SLCO4C1: variants seen among roughly 807,000 people sequenced by gnomAD.
SLCO4C1 encodes organic anion transporter M1.
Under a neutral mutation model 72.1 loss-of-function variants are expected in SLCO4C1, and 58 were observed. That is an observed-to-expected ratio of 0.80 (90% CI 0.65 to 1.00). The LOEUF (loss-of-function observed/expected upper bound fraction) is 1.00, where lower values mean the gene tolerates loss of function less well. Among genes scored for constraint, SLCO4C1 ranks in the 50% least tolerant of loss-of-function variants. The pLI is 0.00. For missense variants in SLCO4C1, 898 were observed against 857.9 expected (o/e 1.05, Z -0.58); for synonymous variants, 297 against 312.5 (o/e 0.95, Z 0.52).
chr5:102,273,632 ATATTTAAACCTATAT>A (rs1338159606), intron 2 of SLCO4C1, among the ~76,000 whole-genome samples: 10 of 152,174 alleles, frequency 6.6e-5, no homozygotes, highest in African/African-American at 2.2e-4. Context: ...ACAAAGAAAA[ATATTTAAACCTATAT>A]TATTTAAACC....
At position 102,295,185 on chromosome 5, in the gene SLCO4C1, C is replaced by T. The variant is rs115947440; in HGVS notation, c.355+723G>A. On this transcript the variant is annotated intron_variant, in intron 1 of 12. Coordinates refer to ENST00000310954, the MANE Select transcript of SLCO4C1 (RefSeq NM_180991.5). ...CCCTCCAGGATATCACTCCTCCAAA[C>T]TGAGCTTAGATTGCAAGCCCCTGAG... Among the ~76,000 whole-genome samples, 600 of 152,318 alleles carry T rather than the reference C, an allele frequency of 3.9e-3. 4 individuals are homozygous for T. The highest frequency in any genetic ancestry group is 0.014 in the African/African-American group (568 of 41,566).
chr5:102,295,075 C>G (rs547190079), intron 1 of SLCO4C1, among the ~76,000 whole-genome samples: 6 of 152,204 alleles, frequency 3.9e-5, no homozygotes, highest in Non-Finnish European at 7.3e-5. Context: ...CTCAGGTTAA[C>G]TTCCTATTTT....
At chr5:102,277,813 T>C (rs1001140183) in intron 2 of SLCO4C1, among the ~76,000 whole-genome samples, 7 of 146,814 alleles carry the variant, frequency 4.8e-5, no homozygotes, top group Admixed American at 4.2e-4. Context: ...CTTACATACA[T>C]GTAATGCAGT....
intron 10 of SLCO4C1, among the ~76,000 whole-genome samples, chr5:102,246,765 G>A (rs1748642848): frequency 6.6e-6 from 1 of 152,142 alleles, no homozygotes; most frequent in Non-Finnish European, 1.5e-5. Context: ...TATGGAATGT[G>A]TTTGTGCAGT....
At chr5:102,249,096 C>T (rs1212923932) in intron 9 of SLCO4C1, among the ~76,000 whole-genome samples, 1 of 152,142 alleles carries the variant, frequency 6.6e-6, no homozygotes, top group Admixed American at 6.6e-5. Context: ...GGAAAACTCT[C>T]TTGCCTTCAA....
chr5:102,272,831 T>C (rs1422824361), intron 2 of SLCO4C1, among the ~76,000 whole-genome samples: 1 of 151,998 alleles, frequency 6.6e-6, no homozygotes, highest in African/African-American at 2.4e-5. Flanking sequence ...GGCACACCCC[T>C]GTAGTCCCAG....
chr5:102,277,904 C>A (rs62372161), intron 2 of SLCO4C1, among the ~76,000 whole-genome samples: 41,429 of 151,844 alleles, frequency 0.27, 5,981 homozygotes, highest in Middle Eastern at 0.31. Flanking sequence ...AATTCTAAAA[C>A]TGTTCAAGCA....
rs1749649597 is a variant in SLCO4C1, at chr5:102,296,152, A to G, written c.111T>C (p.Ser37=). 6.2e-7 allele frequency: 1 copy of G among 1,614,010 alleles called. No individual in the cohort carries two copies. Among genetic ancestry groups the G allele is most frequent in the Non-Finnish European group, 8.5e-7 (1 of 1,179,926 alleles). ...PSQIEVSALS[S]DPQRENSQPQ... ...GCTGAGAATTCTCTCTTTGGGGGTC[A>G]GAGGACAAGGCAGAGACTTCGATTT... The change falls in exon 1 of 13, where the codon TCT becomes TCC. Residue 37 remains serine, a synonymous_variant. Coordinates refer to ENST00000310954, the MANE Select transcript of SLCO4C1 (RefSeq NM_180991.5).
Position 102,296,270 on chromosome 5 carries a change from T to C in SLCO4C1, c.-8A>G, listed in dbSNP as rs868759834. The C allele has an allele frequency of 1.3e-6, 2 of 1,518,780 alleles. No individual in the cohort carries two copies. Among genetic ancestry groups the C allele is most frequent in the Non-Finnish European group, 8.8e-7 (1 of 1,133,796 alleles). 94.1% of individuals were successfully genotyped at this position (1,518,780 alleles called of 1,614,324 possible). On this transcript the variant is annotated 5_prime_UTR_variant, in exon 1 of 13. Coordinates refer to ENST00000310954, the MANE Select transcript of SLCO4C1 (RefSeq NM_180991.5). ...ACCTTTGGCGCTCTTCATGTCTGGA[T>C]GGGTTCTCCCGACTCCGGTGCTTCA...
chr5:102,269,925 C>T lies in SLCO4C1; in HGVS notation c.802+699G>A, dbSNP rs193139248. Among the ~76,000 whole-genome samples the T allele has an allele frequency of 4.5e-3, 688 of 151,578 alleles. 12 individuals carry two copies. Among genetic ancestry groups the T allele is most frequent in the African/African-American group, 0.016 (654 of 41,280 alleles). On this transcript the variant is annotated intron_variant, in intron 3 of 12. Coordinates refer to ENST00000310954, the MANE Select transcript of SLCO4C1 (RefSeq NM_180991.5). Reference sequence around the variant, plus strand: ...CCCTTTGGGTTTGATTCTGGGTGGGCGCAGCAGTGTATTCTCCATTTGAAT... The same window carrying T: ...CCCTTTGGGTTTGATTCTGGGTGGGTGCAGCAGTGTATTCTCCATTTGAAT...
chr5:102,260,870 A>G (rs1373268609), intron 5 of SLCO4C1, among the ~76,000 whole-genome samples: 1 of 152,180 alleles, frequency 6.6e-6, no homozygotes, highest in African/African-American at 2.4e-5. Context: ...ATGGAACTAT[A>G]AATGAATGGC....
intron 11 of SLCO4C1, among the ~76,000 whole-genome samples, chr5:102,239,922 C>A (rs1748508384): frequency 6.6e-6 from 1 of 151,928 alleles, no homozygotes; most frequent in Non-Finnish European, 1.5e-5. Flanking sequence ...TTCCAAGAGG[C>A]CATGAGGTAC....
Position 102,266,672 on chromosome 5 carries a change from G to A in SLCO4C1, c.803-2892C>T, listed in dbSNP as rs561467945. The stretch of plus-strand genomic sequence containing the variant: ...TCTCAAAAAAGAAAAGAAAAGAAAA[G>A]AAAAAAAACAGAAAGTGGGCTTTCT... On this transcript the variant is annotated intron_variant, in intron 3 of 12. Transcript: ENST00000310954. 2.8e-3 allele frequency among the ~76,000 whole-genome samples: 420 copies of A among 151,304 alleles called. 3 individuals are homozygous for A. Among genetic ancestry groups the A allele is most frequent in the African/African-American group, 9.6e-3 (395 of 41,020 alleles).
intron 10 of SLCO4C1, 124 bp from the exon 11 acceptor site, chr5:102,240,906 A>G (rs1748528096): frequency 1.7e-6 from 1 of 601,866 alleles, no homozygotes; most frequent in African/African-American, 1.9e-5. Context: ...ACGCAAAATA[A>G]TGCATTTGTA....
chr5:102,268,913 C>G (rs1749096732), intron 3 of SLCO4C1, among the ~76,000 whole-genome samples: 1 of 152,054 alleles, frequency 6.6e-6, no homozygotes, highest in African/African-American at 2.4e-5. Flanking sequence ...TGAAGAATAG[C>G]TTTGCTGGAT....
chr5:102,265,881 T>C (rs967457190), intron 3 of SLCO4C1, among the ~76,000 whole-genome samples: 1 of 152,206 alleles, frequency 6.6e-6, no homozygotes, highest in Non-Finnish European at 1.5e-5. Flanking sequence ...TTGCATTGAA[T>C]CTGTACATTG....
Position 102,236,806 on chromosome 5 carries a change from T to A in SLCO4C1, c.*52A>T. 1 of 1,571,546 alleles carries A rather than the reference T, an allele frequency of 6.4e-7. No individual in the cohort carries two copies. The highest frequency in any genetic ancestry group is 1.4e-5 in the African/African-American group (1 of 73,640). ...ATCCTGCCATGGCAATGTGTGTTCT[T>A]AAAAATCGAGGTAAATTTTCCAGGT... is the stretch of plus-strand genomic sequence containing the variant. On this transcript the variant is annotated 3_prime_UTR_variant, in exon 13 of 13. Coordinates refer to ENST00000310954, the MANE Select transcript of SLCO4C1 (RefSeq NM_180991.5).
chr5:102,275,985 G>C (rs760046010), intron 2 of SLCO4C1, among the ~76,000 whole-genome samples: 1 of 152,066 alleles, frequency 6.6e-6, no homozygotes, highest in African/African-American at 2.4e-5. Flanking sequence ...ATCCTAGAAG[G>C]TTACAGTGGC....
intron 8 of SLCO4C1, among the ~76,000 whole-genome samples, chr5:102,253,204 A>G (rs929429185): frequency 6.6e-6 from 1 of 152,208 alleles, no homozygotes; most frequent in African/African-American, 2.4e-5. Flanking sequence ...TCACCAAAAT[A>G]AGACTCAAAG....
Sources: allele counts gnomAD v4.1 joint callset (sites outside exome capture counted in the v4.1 genomes callset), GRCh38; gene constraint gnomAD v4.1.1; transcripts MANE v1.5; gene names NCBI Gene and HGNC (gene_info 2026-07-23, HGNC 2026-07-21).